SPATA24: variants seen among roughly 807,000 people sequenced by gnomAD.
The protein encoded by SPATA24 is spermatogenesis associated 24.
In SPATA24, 21 loss-of-function variants were observed where a neutral mutation model predicts 28.9. That is an observed-to-expected ratio of 0.73 (90% CI 0.52 to 1.05). The LOEUF (loss-of-function observed/expected upper bound fraction) is 1.05, where lower values mean the gene tolerates loss of function less well. Among genes scored for constraint, SPATA24 ranks in the 50% least tolerant of loss-of-function variants. The pLI is 0.00. For missense variants in SPATA24, 215 were observed against 242.9 expected (o/e 0.88, Z 0.76); for synonymous variants, 76 against 89.9 (o/e 0.85, Z 0.88).
chr5:139,396,713 T>G, downstream of SPATA24: 1 of 1,548,906 alleles, frequency 6.5e-7, no homozygotes. Flanking sequence ...GGGAGGGAAG[T>G]AGCAGGGGCT....
downstream of SPATA24, chr5:139,393,404 T>C (rs781078065): frequency 1.8e-5 from 28 of 1,551,558 alleles, no homozygotes; most frequent in South Asian, 1.2e-5. Context: ...TGCATCTCTG[T>C]TGGTTCTGGA....
chr5:139,395,110 C>T, downstream of SPATA24: 1 of 1,385,038 alleles, frequency 7.2e-7, no homozygotes, highest in Non-Finnish European at 9.4e-7. Flanking sequence ...GCACTATCTC[C>T]CTCGCATTCG....
At chr5:139,394,501 T>A (rs199886274), downstream of SPATA24, 271 of 1,430,390 alleles carry the variant, frequency 1.9e-4, 1 homozygote, top group Middle Eastern at 1.9e-3. Context: ...GGCGCCCTCC[T>A]CCAGAGCCAC....
At chr5:139,399,043 C>T (rs538688534) in intron 4 of SPATA24, among the ~76,000 whole-genome samples, 2 of 125,838 alleles carry the variant, frequency 1.6e-5, no homozygotes, top group South Asian at 2.5e-4. Flanking sequence ...AAAGGCCAGG[C>T]GTGGTGGCTC....
At chr5:139,400,761 A>AT (rs1368983809) in intron 4 of SPATA24, among the ~76,000 whole-genome samples, 1 of 152,224 alleles carries the variant, frequency 6.6e-6, no homozygotes, top group Non-Finnish European at 1.5e-5. Context: ...CACAGAGCAG[A>AT]GTTGAAAACT....
At chr5:139,393,282 C>T (rs1209012838), downstream of SPATA24, 2 of 1,550,102 alleles carry the variant, frequency 1.3e-6, no homozygotes, top group Non-Finnish European at 1.7e-6. Flanking sequence ...GGCACTTATC[C>T]GCGTCCAGGG....
downstream of SPATA24, chr5:139,394,646 G>A: frequency 1.3e-6 from 2 of 1,534,802 alleles, no homozygotes; most frequent in Non-Finnish European, 1.7e-6. Flanking sequence ...GCTGGCCCCG[G>A]CGGCAAGGGG....
At chr5:139,394,914 C>A (rs1365618000), downstream of SPATA24, 1 of 1,519,138 alleles carries the variant, frequency 6.6e-7, no homozygotes, top group South Asian at 1.2e-5. Context: ...CCACCCAGGG[C>A]CAATTCGCTG....
At chr5:139,402,566 C>T (rs1225900949) in intron 2 of SPATA24, 62 bp downstream of exon 2, 2 of 1,454,940 alleles carry the variant, frequency 1.4e-6, no homozygotes, top group Non-Finnish European at 9.4e-7. Context: ...AATGAGCCTG[C>T]CTAACCACAG....
intron 4 of SPATA24, 108 bp downstream of exon 4, chr5:139,401,647 G>T: frequency 1.6e-6 from 2 of 1,254,134 alleles, no homozygotes; most frequent in Non-Finnish European, 2.3e-6. Context: ...TGTATCCTCA[G>T]CTGGGGACAG....
At chr5:139,392,759 G>T, downstream of SPATA24, 2 of 1,436,322 alleles carry the variant, frequency 1.4e-6, no homozygotes, top group Non-Finnish European at 9.2e-7. The surrounding 1 kb of genome is among the most constrained non-coding windows in gnomAD (Gnocchi z 5.8). Flanking sequence ...GGGCTGGTCC[G>T]ACCGTCGCCG....
rs776203256 is a variant in SPATA24, at chr5:139,404,061, C to T, written c.-1G>A. On this transcript the variant is annotated 5_prime_UTR_variant, in exon 1 of 6. Transcript: ENST00000450845. ...TCGACCACCCGAGGGGCGTCGCCAT[C>T]TTCCGCCCCCGCCAGCTAGTTGGAA... 1 of 1,550,984 alleles carries T rather than the reference C, an allele frequency of 6.4e-7. No homozygotes were observed. Among genetic ancestry groups the T allele is most frequent in the South Asian group, 1.2e-5 (1 of 84,050 alleles).
In SPATA24 at chr5:139,397,059, T is replaced by G. The variant is rs907022219; in HGVS notation, c.470A>C (p.Gln157Pro). The change falls in exon 5 of 6, where the codon CAG (glutamine) becomes CCG (proline). Residue 157 changes from glutamine (Q) to proline (P), a missense_variant. Physicochemically the swap from Gln to Pro is moderately conservative, Grantham distance 76. Coordinates refer to ENST00000450845, the MANE Select transcript of SPATA24 (RefSeq NM_194296.2). ...CCCTCACCTGAAGATCTGTTTCTGC[T>G]GGCTGATAACTTGCTGCAACTCTTT... ...EIKELQQVIS[Q>P]QKQIFRNHMS... is the part of the protein sequence containing the mutation. 6.3e-5 allele frequency: 98 copies of G among 1,551,724 alleles called. No homozygotes were observed. The highest frequency in any genetic ancestry group is 3.7e-4 in the Admixed American group (19 of 50,988).
chr5:139,396,166 C>T (rs1477849473), downstream of SPATA24: 4 of 985,246 alleles, frequency 4.1e-6, no homozygotes, highest in African/African-American at 1.7e-5. Flanking sequence ...GCTAATCTGA[C>T]CCCTGAAGTG....
Position 139,396,898 on chromosome 5 carries a change from G to C in SPATA24, c.520C>G (p.Gln174Glu). 6.4e-7 allele frequency: 1 copy of C among 1,551,680 alleles called. No homozygotes were observed. The highest frequency in any genetic ancestry group is 8.7e-7 in the Non-Finnish European group (1 of 1,146,988). The change falls in exon 6 of 6, where the codon CAG (glutamine) becomes GAG (glutamate). Residue 174 changes from glutamine (Q) to glutamate (E), a missense_variant. Coordinates refer to ENST00000450845, the MANE Select transcript of SPATA24 (RefSeq NM_194296.2). ...NHMSDFRIQK[Q>E]QESYMAQVLD... is the part of the protein sequence containing the mutation. ...ACCTGGGCCATGTAGCTCTCCTGCT[G>C]CTTCTGGATCCGGAAGTCAGACATG...
chr5:139,403,762 C>T (rs1383635398), intron 1 of SPATA24, among the ~76,000 whole-genome samples, 182 bp downstream of exon 1: 5 of 152,212 alleles, frequency 3.3e-5, no homozygotes, highest in Non-Finnish European at 7.3e-5. Context: ...GTTAAAATTC[C>T]CTGGTTCAGG....
downstream of SPATA24, chr5:139,394,606 T>G: frequency 6.5e-7 from 1 of 1,532,624 alleles, no homozygotes; most frequent in East Asian, 2.5e-5. Flanking sequence ...ATCGGGGACC[T>G]GGGACTGGCG....
downstream of SPATA24, chr5:139,396,371 C>T: frequency 1.0e-6 from 1 of 985,442 alleles, no homozygotes; most frequent in Non-Finnish European, 1.2e-6. Context: ...GTGAAGCTCC[C>T]GTTTGGGGGA....
At chr5:139,398,766 G>A (rs1758762779) in intron 4 of SPATA24, among the ~76,000 whole-genome samples, 1 of 150,586 alleles carries the variant, frequency 6.6e-6, no homozygotes, top group Non-Finnish European at 1.5e-5. Flanking sequence ...GCTCATGCCT[G>A]TAATCCCAGC....
Sources: gnomAD v4.1 joint callset for allele counts (sites outside exome capture counted in the v4.1 genomes callset) on GRCh38, gnomAD v4.1.1 for gene constraint, Gnocchi (gnomAD v3.1) non-coding constraint, MANE v1.5 for transcripts, NCBI Gene and HGNC (gene_info 2026-07-23, HGNC 2026-07-21) for gene names.